RMDN2: variants seen among roughly 807,000 people sequenced by gnomAD.
RMDN2 encodes regulator of microtubule dynamics protein 2.
RMDN2 carries 61 observed loss-of-function variants against 52.8 expected under a neutral mutation model. The observed-to-expected ratio is 1.16, with a 90% CI of 0.94 to 1.43. The LOEUF (loss-of-function observed/expected upper bound fraction) is 1.43. RMDN2 is among the 40% of genes most tolerant of loss of function. RMDN2 has a pLI of 0.00. For missense variants in RMDN2, 592 were observed against 475.3 expected, an observed-to-expected ratio of 1.25 and a Z score of -2.28; for synonymous variants, 180 against 153.1, an observed-to-expected ratio of 1.18 and a Z score of -1.30.
intron 8 of RMDN2, among the ~76,000 whole-genome samples, chr2:37,998,616 T>C (rs184654126): frequency 6.6e-6 from 1 of 152,278 alleles, no homozygotes; most frequent in African/African-American, 2.4e-5. Context: ...AATTTGTAGA[T>C]CATGTAGTCT....
At chr2:37,997,595 T>C (rs1675743431) in intron 8 of RMDN2, 81 bp downstream of exon 8, 1 of 936,710 alleles carries the variant, frequency 1.1e-6, no homozygotes, top group African/African-American at 1.6e-5. Context: ...CAAGGAAATC[T>C]TTTCTCCATG....
intron 2 of RMDN2, among the ~76,000 whole-genome samples, chr2:37,961,735 G>A (rs1162415350): frequency 6.6e-6 from 1 of 152,042 alleles, no homozygotes; most frequent in Admixed American, 6.5e-5. Context: ...TTCCCTTGCT[G>A]GCAAGGAGTT....
At chr2:38,039,504 C>G (rs572493059) in intron 10 of RMDN2, among the ~76,000 whole-genome samples, 21 of 152,198 alleles carry the variant, frequency 1.4e-4, no homozygotes, top group Non-Finnish European at 2.5e-4. Flanking sequence ...AAAAGGTTTA[C>G]ATCATTTCTG....
At chr2:37,980,547 A>G (rs1673168771) in intron 4 of RMDN2, among the ~76,000 whole-genome samples, 1 of 152,108 alleles carries the variant, frequency 6.6e-6, no homozygotes, top group Non-Finnish European at 1.5e-5. Context: ...CAGGTGATCC[A>G]CCTGCCTCGG....
chr2:37,992,634 T>C lies in RMDN2; in HGVS notation c.945+1337T>C, dbSNP rs149351362. Among the ~76,000 whole-genome samples the C allele has an allele frequency of 4.9e-4, 75 of 152,342 alleles. 1 individual carries two copies. The highest frequency in any genetic ancestry group is 1.6e-3 in the African/African-American group (67 of 41,572). On this transcript the variant is annotated intron_variant, in intron 7 of 10. Transcript: ENST00000354545. ...TTCTTCAGCATCTAGCTCAGTTTTTTGCACTTAAAATAAGCTGCTTCTACA... is the reference window on the plus strand; with the variant it reads ...TTCTTCAGCATCTAGCTCAGTTTTTCGCACTTAAAATAAGCTGCTTCTACA...
At chr2:37,989,421 G>T in intron 5 of RMDN2, 120 bp from the exon 6 acceptor site, 3 of 675,522 alleles carry the variant, frequency 4.4e-6, no homozygotes, top group South Asian at 3.7e-5. Flanking sequence ...ATATTTATAT[G>T]AATACTCCTG....
intron 1 of RMDN2, among the ~76,000 whole-genome samples, chr2:37,926,227 C>T (rs574272484): frequency 6.6e-6 from 1 of 152,184 alleles, no homozygotes; most frequent in Non-Finnish European, 1.5e-5. Flanking sequence ...TAATGAATAT[C>T]TGTGCTAGAT....
intron 2 of RMDN2, among the ~76,000 whole-genome samples, chr2:37,966,905 A>G (rs1375771318): frequency 6.6e-6 from 1 of 152,226 alleles, no homozygotes; most frequent in Non-Finnish European, 1.5e-5. Context: ...TAGTTTGATA[A>G]AAGCCCCTAT....
chr2:38,015,477 A>G (rs1462491908), intron 10 of RMDN2, among the ~76,000 whole-genome samples: 1 of 151,898 alleles, frequency 6.6e-6, no homozygotes, highest in Non-Finnish European at 1.5e-5. Context: ...AGGCAGGGTA[A>G]TCACTTGAAC....
chr2:38,050,686 A>G (rs758643008), intron 10 of RMDN2, among the ~76,000 whole-genome samples: 1 of 152,198 alleles, frequency 6.6e-6, no homozygotes, highest in Non-Finnish European at 1.5e-5. Context: ...GAACTTCCAC[A>G]TATGTTAATG....
chr2:38,004,581 C>G (rs1676798466), intron 10 of RMDN2, among the ~76,000 whole-genome samples: 4 of 152,042 alleles, frequency 2.6e-5, no homozygotes, highest in African/African-American at 9.7e-5. Flanking sequence ...AGAACCTATT[C>G]ATCCTGCATA....
At chr2:38,031,226 G>A (rs540202918) in intron 10 of RMDN2, among the ~76,000 whole-genome samples, 1 of 149,636 alleles carries the variant, frequency 6.7e-6, no homozygotes, top group Non-Finnish European at 1.5e-5. Context: ...TTCTCCACAA[G>A]AGAGTTGCTC....
Position 38,017,561 on chromosome 2 carries a change from T to C in RMDN2, c.*322T>C. On this transcript the variant is annotated 3_prime_UTR_variant, in exon 11 of 11. Transcript: ENST00000354545. ...AATAAAATGAATTCTCATGAATATT[T>C]TATTGTTTCAATGGAGACTTCGTAA... 1.7e-6 allele frequency: 2 copies of C among 1,201,722 alleles called. No individual in the cohort carries two copies. The highest frequency in any genetic ancestry group is 1.1e-6 in the Non-Finnish European group (1 of 912,236). The allele number at this position is 1,201,722 out of a possible 1,614,324, so 74.4% of individuals were successfully genotyped here.
At chr2:37,948,912 T>G (rs371855478) in intron 2 of RMDN2, among the ~76,000 whole-genome samples, 1 of 152,130 alleles carries the variant, frequency 6.6e-6, no homozygotes, top group South Asian at 2.1e-4. Flanking sequence ...ATTATTTCCT[T>G]TGGGGTAGCT....
intron 10 of RMDN2, among the ~76,000 whole-genome samples, chr2:38,009,199 C>T (rs865844218): frequency 1.1e-4 from 16 of 152,116 alleles, no homozygotes; most frequent in African/African-American, 1.7e-4. Flanking sequence ...TTAGTCTTCT[C>T]GAGGAGTATC....
chr2:38,000,593 C>A (rs886564108), intron 8 of RMDN2, among the ~76,000 whole-genome samples: 1 of 152,200 alleles, frequency 6.6e-6, no homozygotes, highest in Non-Finnish European at 1.5e-5. Context: ...TAAATGGAAT[C>A]ATACAACATG....
intron 1 of RMDN2, among the ~76,000 whole-genome samples, chr2:37,927,792 T>C (rs945695094): frequency 6.6e-6 from 1 of 152,198 alleles, no homozygotes; most frequent in Non-Finnish European, 1.5e-5. Flanking sequence ...TTCAAGATAA[T>C]TTAGTTTTGT....
intron 2 of RMDN2, among the ~76,000 whole-genome samples, chr2:37,956,807 G>A (rs1415044351): frequency 6.7e-6 from 1 of 150,374 alleles, no homozygotes; most frequent in Non-Finnish European, 1.5e-5. Context: ...CCCTCCCCTT[G>A]CTCCCCACCC....
chr2:38,035,873 C>T (rs978878291), intron 10 of RMDN2: 2 of 152,114 alleles, frequency 1.3e-5, no homozygotes, highest in African/African-American at 2.4e-5. Flanking sequence ...GCATTCACAA[C>T]CGTATCTGGA....
Sources: allele counts gnomAD v4.1 joint callset (sites outside exome capture counted in the v4.1 genomes callset), GRCh38; gene constraint gnomAD v4.1.1; transcripts MANE v1.5; gene names NCBI Gene and HGNC (gene_info 2026-07-23, HGNC 2026-07-21).